The following ANK3 variants were observed in gnomAD, a reference collection of about 807,000 sequenced individuals.
The protein encoded by ANK3 is ankyrin-3.
Under a neutral mutation model 370.9 loss-of-function variants are expected in ANK3, and 57 were observed. The ratio of observed to expected loss-of-function variants is 0.15; its 90% CI spans 0.12 to 0.19. The LOEUF (loss-of-function observed/expected upper bound fraction) is 0.19, where lower values mean the gene tolerates loss of function less well. ANK3 is among the 10% of genes least tolerant of loss of function. The pLI is 1.00. For missense variants in ANK3, 4,439 were observed against 5,302.1 expected (o/e 0.84, Z 5.06); for synonymous variants, 1,929 against 1,946.3 (o/e 0.99, Z 0.23).
At position 60,185,343 on chromosome 10, in the gene ANK3, C is replaced by T. The variant is rs564704378; in HGVS notation, c.2085+1372G>A. Among the ~76,000 whole-genome samples the T allele has an allele frequency of 3.9e-5, 6 of 151,974 alleles. No individual in the cohort carries two copies. The South Asian group carries it at 6.2e-4, about 16-fold the overall frequency. Reference sequence around the variant, plus strand: ...TGTAAAAACTCCAAAATTAAAAAAACGATTTTTTCTTACTTAAAAGTGTTG... The same window carrying T: ...TGTAAAAACTCCAAAATTAAAAAAATGATTTTTTCTTACTTAAAAGTGTTG... On this transcript the variant is annotated intron_variant, in intron 17 of 43. Coordinates refer to ENST00000280772, the MANE Select transcript of ANK3 (RefSeq NM_020987.5).
intron 1 of ANK3, among the ~76,000 whole-genome samples, chr10:60,326,113 A>G (rs1260488862): frequency 3.9e-5 from 6 of 152,060 alleles, no homozygotes; most frequent in Admixed American, 6.5e-5. Context: ...AACAACAGAC[A>G]CTGGGGCCTT....
At chr10:60,108,736 G>A (rs2092437785) in intron 27 of ANK3, 94 bp downstream of exon 27, 1 of 1,009,094 alleles carries the variant, frequency 9.9e-7, no homozygotes. Context: ...GTACAACTAA[G>A]CAGTTTTAAG....
chr10:60,314,267 C>T (rs1210406296), intron 1 of ANK3, among the ~76,000 whole-genome samples: 2 of 152,150 alleles, frequency 1.3e-5, no homozygotes, highest in African/African-American at 4.8e-5. Context: ...CAATATATTC[C>T]AGGCACTGCA....
intron 32 of ANK3, 38 bp from the exon 33 acceptor site, chr10:60,083,655 C>T (rs770014863): frequency 5.3e-6 from 8 of 1,509,692 alleles, no homozygotes; most frequent in Admixed American, 4.1e-5. Flanking sequence ...TAATGTTAAT[C>T]TGAGTTTAAA....
chr10:60,600,926 C>T (rs749240281), intron 2 of ANK3, among the ~76,000 whole-genome samples: 1 of 151,958 alleles, frequency 6.6e-6, no homozygotes, highest in African/African-American at 2.4e-5. Flanking sequence ...GCTATCTACA[C>T]AAAGCATGCC....
At chr10:60,448,773 A>T (rs1400934418) in intron 2 of ANK3, among the ~76,000 whole-genome samples, 3 of 152,244 alleles carry the variant, frequency 2.0e-5, no homozygotes, top group Non-Finnish European at 2.9e-5. Flanking sequence ...GGAATTGATT[A>T]CTAATTCCTT....
Position 60,406,693 on chromosome 10 carries a change from A to G in ANK3, c.97-127054T>C, listed in dbSNP as rs2132917226. On this transcript the variant is annotated intron_variant, in intron 2 of 43. Coordinates refer to the ANK3 transcript ENST00000373827. ...CCTAGATAAGTTAGGTTTTCTCATT[A>G]AAGATTATCAATAAAAGGACTGACT... Among the ~76,000 whole-genome samples the G allele has an allele frequency of 2.0e-5, 3 of 152,336 alleles. No individual in the cohort carries two copies. In the Middle Eastern group the frequency reaches 0.01, roughly 518 times the overall value.
intron 2 of ANK3, among the ~76,000 whole-genome samples, chr10:60,470,298 T>C (rs530752991): frequency 5.3e-5 from 8 of 152,122 alleles, no homozygotes; most frequent in Admixed American, 1.3e-4. Flanking sequence ...AGCTGTTCAA[T>C]TGCACAACTA....
intron 1 of ANK3, among the ~76,000 whole-genome samples, chr10:60,631,162 A>G (rs1246819324): frequency 6.6e-6 from 1 of 152,136 alleles, no homozygotes; most frequent in Admixed American, 6.5e-5. Context: ...TGTGCCAGGT[A>G]ATCAGGGCTC....
At position 60,069,600 on chromosome 10, in the gene ANK3, T is replaced by C. The variant is rs201369977; in HGVS notation, c.11281A>G (p.Thr3761Ala). 11 of 1,614,076 alleles carry C rather than the reference T, an allele frequency of 6.8e-6. No homozygotes were observed. In the East Asian group the frequency reaches 2.2e-4, roughly 33 times the overall value. The change falls in exon 37 of 44, where the codon ACA becomes GCA. Residue 3761 changes from threonine to alanine, a missense_variant. Thr to Ala is a moderately conservative substitution (Grantham distance 58). Around this residue, in one of 13 missense-constraint regions of ANK3, gnomAD observed 496 missense variants for 529.3 expected, o/e 0.94. Coordinates refer to ENST00000280772, the MANE Select transcript of ANK3 (RefSeq NM_020987.5). ...CTATTGGCTGTATTTGAAATCATTG[T>C]TATAGTTTCATTTTCTAATCCCTGA... Reference protein sequence around the residue: ...SCQGLENETITMISNTANSQM... With the variant: ...SCQGLENETIAMISNTANSQM...
chr10:60,118,052 T>A lies in ANK3; in HGVS notation c.2842-3721A>T, dbSNP rs375961098. The stretch of plus-strand genomic sequence containing the variant: ...TGGAGAAAAATCAACAAGAACAATA[T>A]ACATGCAGTATTTAGAGATATCCAA... On this transcript the variant is annotated intron_variant, in intron 25 of 43. Transcript: ENST00000280772. 9.9e-5 allele frequency among the ~76,000 whole-genome samples: 15 copies of A among 152,202 alleles called. No homozygotes were observed. In the East Asian group the frequency reaches 2.9e-3, roughly 29 times the overall value.
intron 12 of ANK3, 122 bp from the exon 13 acceptor site, chr10:60,200,349 A>G: frequency 2.7e-6 from 2 of 752,462 alleles, no homozygotes; most frequent in Non-Finnish European, 4.7e-6. Context: ...GCACTTCCTT[A>G]TTGAAAAGAT....
At chr10:60,729,685 G>A (rs900075877) in intron 1 of ANK3, among the ~76,000 whole-genome samples, 2 of 151,992 alleles carry the variant, frequency 1.3e-5, no homozygotes, top group African/African-American at 4.8e-5. Flanking sequence ...AGATCATTTA[G>A]CCTCAGGTTA....
chr10:60,307,070 G>A (rs547256227), intron 1 of ANK3, among the ~76,000 whole-genome samples: 44 of 152,140 alleles, frequency 2.9e-4, no homozygotes, highest in African/African-American at 1.0e-3. Flanking sequence ...ATCAAAAGAC[G>A]AAAAATATTC....
chr10:60,036,682 T>G (rs1165596508), intron 43 of ANK3, among the ~76,000 whole-genome samples: 2 of 151,980 alleles, frequency 1.3e-5, no homozygotes, highest in Non-Finnish European at 2.9e-5. Flanking sequence ...GTGATCTGCC[T>G]GCCTCGGCCT....
chr10:60,627,769 A>G (rs2078431621), intron 1 of ANK3, among the ~76,000 whole-genome samples: 1 of 152,172 alleles, frequency 6.6e-6, no homozygotes, highest in Admixed American at 6.5e-5. Context: ...ACACCTGAAT[A>G]GTACTTTTTG....
intron 1 of ANK3, among the ~76,000 whole-genome samples, chr10:60,374,898 T>G (rs577117730): frequency 6.6e-6 from 1 of 152,210 alleles, no homozygotes; most frequent in Admixed American, 6.5e-5. Context: ...TTCATTTTTA[T>G]GTTCACATTA....
At chr10:60,558,057 G>A (rs2077250575) in intron 2 of ANK3, among the ~76,000 whole-genome samples, 1 of 152,120 alleles carries the variant, frequency 6.6e-6, no homozygotes, top group African/African-American at 2.4e-5. Context: ...CAAAGAAGAG[G>A]TTCTCCTAGG....
rs750384975 is a variant in ANK3, at chr10:60,583,511, G to GTTTTTTTTTTTTTTT, written c.96+31674_96+31675insAAAAAAAAAAAAAAA. On this transcript the variant is annotated intron_variant, in intron 2 of 43. Coordinates refer to the ANK3 transcript ENST00000373827. ...CATATAGCTTACAGAGAGGTTTTTT[G>GTTTTTTTTTTTTTTT]TTTTTTGTTTTTTGTTTTTTTTTGA... Among the ~76,000 whole-genome samples the GTTTTTTTTTTTTTTT allele has an allele frequency of 3.0e-5, 3 of 100,076 alleles. 1 individual carries two copies. Among genetic ancestry groups the GTTTTTTTTTTTTTTT allele is most frequent in the Non-Finnish European group, 4.4e-5 (2 of 45,924 alleles). 65.7% of individuals were successfully genotyped at this position (100,076 alleles called of 152,430 possible).
Sources: gnomAD v4.1 joint callset for allele counts (sites outside exome capture counted in the v4.1 genomes callset) on GRCh38, gnomAD v4.1.1 for gene constraint, gnomAD v4.1.1 regional missense constraint, MANE v1.5 for transcripts, NCBI Gene and HGNC (gene_info 2026-07-23, HGNC 2026-07-21) for gene names.